The following TLK1 variants were observed in gnomAD, a reference collection of about 807,000 sequenced individuals.
The protein encoded by TLK1 is serine/threonine-protein kinase tousled-like 1.
Under a neutral mutation model 105.3 loss-of-function variants are expected in TLK1, and 24 were observed. The observed-to-expected ratio is 0.23, with a 90% CI of 0.17 to 0.32. The LOEUF (loss-of-function observed/expected upper bound fraction) is 0.32, where lower values mean the gene tolerates loss of function less well. Among genes scored for constraint, TLK1 ranks in the 10% least tolerant of loss-of-function variants. The pLI is 1.00. For synonymous variants in TLK1, 321 were observed against 310.4 expected, an observed-to-expected ratio of 1.03 and a Z score of -0.36; for missense variants, 558 against 910.5, an observed-to-expected ratio of 0.61 and a Z score of 4.98.
upstream of TLK1, among the ~76,000 whole-genome samples, chr2:171,163,281 G>A (rs1220233045): frequency 6.6e-6 from 1 of 152,180 alleles, no homozygotes; most frequent in Non-Finnish European, 1.5e-5. Context: ...ATGCTGCTAA[G>A]AACATTCATG....
At chr2:171,061,981 C>T (rs536786829) in intron 3 of TLK1, among the ~76,000 whole-genome samples, 7 of 152,222 alleles carry the variant, frequency 4.6e-5, no homozygotes, top group South Asian at 2.1e-4. Context: ...CCCATAAAGT[C>T]GCAAGCATCT....
intron 2 of TLK1, among the ~76,000 whole-genome samples, chr2:171,104,329 T>G (rs1161420334): frequency 6.9e-6 from 1 of 145,266 alleles, no homozygotes; most frequent in African/African-American, 2.5e-5. Context: ...CAAACAAAAG[T>G]AGAAATAAAC....
At chr2:171,193,189 G>A (rs754310488) in intron 1 of TLK1, among the ~76,000 whole-genome samples, 5 of 152,056 alleles carry the variant, frequency 3.3e-5, no homozygotes, top group Non-Finnish European at 5.9e-5. Context: ...TCAACCATAT[G>A]CTGACATAAA....
chr2:171,205,776 T>C (rs1403343831), intron 1 of TLK1, among the ~76,000 whole-genome samples: 2 of 152,224 alleles, frequency 1.3e-5, no homozygotes, highest in African/African-American at 4.8e-5. Context: ...TGCTTTGTTG[T>C]TTGTTATTTT....
intron 1 of TLK1, among the ~76,000 whole-genome samples, chr2:171,186,431 T>C (rs1693026129): frequency 6.6e-6 from 1 of 152,186 alleles, no homozygotes; most frequent in Non-Finnish European, 1.5e-5. Flanking sequence ...GTCACAATGA[T>C]GGGAGTAAAA....
At chr2:171,127,292 AAG>A (rs769989588) in intron 1 of TLK1, among the ~76,000 whole-genome samples, 13,731 of 85,666 alleles carry the variant, frequency 0.16, 934 homozygotes, top group African/African-American at 0.36. Flanking sequence ...AAAAAAAAAA[AAG>A]AAAGAAAAAA....
intron 10 of TLK1, among the ~76,000 whole-genome samples, chr2:171,047,971 C>A (rs888802331): frequency 4.6e-5 from 7 of 152,158 alleles, no homozygotes; most frequent in African/African-American, 1.4e-4. Flanking sequence ...TTTTTTGAGA[C>A]AGACTCTCAC....
chr2:171,204,461 T>G (rs1693462760), intron 1 of TLK1, among the ~76,000 whole-genome samples: 1 of 151,954 alleles, frequency 6.6e-6, no homozygotes, highest in South Asian at 2.1e-4. Flanking sequence ...GAAGCAAAGA[T>G]GTTTTTAAAA....
intron 11 of TLK1, chr2:171,045,822 A>C (rs1686935911): frequency 5.5e-6 from 1 of 181,272 alleles, no homozygotes; most frequent in East Asian, 1.5e-4. Context: ...TATAAATGGT[A>C]GTTACATTAC....
chr2:171,083,558 T>C (rs1688841251), intron 2 of TLK1, among the ~76,000 whole-genome samples: 4 of 152,156 alleles, frequency 2.6e-5, no homozygotes. Context: ...CTTCCAGAAA[T>C]GCTTAGACCA....
chr2:171,011,135 C>T (rs1050587913), intron 14 of TLK1, among the ~76,000 whole-genome samples: 23 of 152,080 alleles, frequency 1.5e-4, no homozygotes, highest in African/African-American at 4.3e-4. Context: ...TCCTGAGTAG[C>T]TGGGGCTACA....
intron 1 of TLK1, among the ~76,000 whole-genome samples, chr2:171,194,110 C>T (rs1693215210): frequency 1.3e-5 from 2 of 152,116 alleles, no homozygotes; most frequent in Non-Finnish European, 2.9e-5. Context: ...GGCTTACACA[C>T]CAGTACATGA....
At chr2:171,149,501 T>C (rs1279471565) in intron 1 of TLK1, among the ~76,000 whole-genome samples, 1 of 152,186 alleles carries the variant, frequency 6.6e-6, no homozygotes, top group Non-Finnish European at 1.5e-5. Flanking sequence ...TCCAAAAGTA[T>C]AATGCTGTCA....
chr2:171,154,631 TAA>T (rs1293861113), intron 1 of TLK1: 5 of 152,212 alleles, frequency 3.3e-5, no homozygotes, highest in African/African-American at 9.7e-5. Flanking sequence ...AATAGCAAAG[TAA>T]AGACTATCCT....
chr2:171,197,071 G>GA (rs551703130), intron 1 of TLK1, among the ~76,000 whole-genome samples: 4 of 151,338 alleles, frequency 2.6e-5, no homozygotes, highest in Non-Finnish European at 5.9e-5. Context: ...AAAGTACAAA[G>GA]AAAAAAAATA....
intron 13 of TLK1, among the ~76,000 whole-genome samples, chr2:171,013,318 CTTTT>C (rs774923512): frequency 2.7e-5 from 2 of 74,150 alleles, no homozygotes; most frequent in Admixed American, 1.4e-4. Context: ...TGGCCCCTCA[CTTTT>C]TTTTTTTTTT....
intron 3 of TLK1, among the ~76,000 whole-genome samples, chr2:171,071,142 T>C (rs1379949133): frequency 6.6e-6 from 1 of 152,192 alleles, no homozygotes; most frequent in East Asian, 1.9e-4. Flanking sequence ...CCTACAGAGT[T>C]GTTTGAGCTC....
At chr2:171,009,579 T>C (rs550499727) in intron 14 of TLK1, among the ~76,000 whole-genome samples, 2 of 152,240 alleles carry the variant, frequency 1.3e-5, no homozygotes, top group South Asian at 2.1e-4. Context: ...AGTGCTAGGA[T>C]TACAGGTGTG....
At chr2:171,103,460 T>C (rs1689785848) in intron 2 of TLK1, among the ~76,000 whole-genome samples, 1 of 151,776 alleles carries the variant, frequency 6.6e-6, no homozygotes, top group South Asian at 2.1e-4. Flanking sequence ...TGAGATGGGG[T>C]TGAACTCCTG....
Sources: allele counts gnomAD v4.1 joint callset (sites outside exome capture counted in the v4.1 genomes callset), GRCh38; gene constraint gnomAD v4.1.1; transcripts MANE v1.5; gene names NCBI Gene and HGNC (gene_info 2026-07-23, HGNC 2026-07-21).